Variants in RIT2 observed in about 807,000 individuals in gnomAD.
RIT2 encodes the protein GTP-binding protein Rit2.
In RIT2, 24 loss-of-function variants were observed where a neutral mutation model predicts 23.7. That is an observed-to-expected ratio of 1.01 (90% CI 0.73 to 1.43). RIT2 has a LOEUF of 1.43. Ranked by LOEUF, RIT2 falls within the 40% of genes most tolerant of loss-of-function variation. The pLI, the probability that RIT2 is intolerant of heterozygous loss-of-function variation, is 0.00. For missense variants in RIT2, 236 were observed against 266.9 expected (o/e 0.88, Z 0.81); for synonymous variants, 107 against 91.1 (o/e 1.17, Z -0.99).
At chr18:42,999,612 A>C (rs943383997) in intron 2 of RIT2, among the ~76,000 whole-genome samples, 1 of 152,064 alleles carries the variant, frequency 6.6e-6, no homozygotes, top group African/African-American at 2.4e-5. Context: ...GAAATGGCCC[A>C]GATAATTATA....
At chr18:42,949,170 T>C (rs1909792790) in intron 3 of RIT2, 1 of 394,402 alleles carries the variant, frequency 2.5e-6, no homozygotes, top group Non-Finnish European at 4.5e-6. Context: ...ACCACATATC[T>C]TCCTGCTCCA....
chr18:42,913,089 C>A (rs1402715819), intron 4 of RIT2, among the ~76,000 whole-genome samples: 1 of 151,490 alleles, frequency 6.6e-6, no homozygotes, highest in Non-Finnish European at 1.5e-5. Flanking sequence ...AGACATAACT[C>A]CACATGAATA....
At chr18:42,789,828 G>A (rs932120883) in intron 4 of RIT2, among the ~76,000 whole-genome samples, 6 of 152,086 alleles carry the variant, frequency 3.9e-5, no homozygotes, top group Non-Finnish European at 5.9e-5. Context: ...TATCTTGCCC[G>A]ATTGCTCTGG....
chr18:42,794,832 T>C (rs1914120182), intron 4 of RIT2, among the ~76,000 whole-genome samples: 1 of 152,204 alleles, frequency 6.6e-6, no homozygotes, highest in African/African-American at 2.4e-5. Context: ...TGCTAATTTT[T>C]CTTTTAGCCT....
chr18:42,794,450 G>C (rs951549694), intron 4 of RIT2, among the ~76,000 whole-genome samples: 2 of 152,174 alleles, frequency 1.3e-5, no homozygotes, highest in African/African-American at 4.8e-5. Context: ...TGACTAATTA[G>C]TGAATCAGTT....
At chr18:42,784,689 C>A (rs564078204) in intron 4 of RIT2, among the ~76,000 whole-genome samples, 14 of 152,160 alleles carry the variant, frequency 9.2e-5, no homozygotes, top group African/African-American at 2.9e-4. Flanking sequence ...TCTTAACTAG[C>A]CTTCCATATT....
chr18:42,922,160 CA>C (rs1157233605), intron 4 of RIT2, among the ~76,000 whole-genome samples: 1 of 152,080 alleles, frequency 6.6e-6, no homozygotes, highest in Non-Finnish European at 1.5e-5. Context: ...CACAAAAATG[CA>C]TTGCACTAAA....
chr18:42,862,974 T>C (rs1195661920), intron 4 of RIT2, among the ~76,000 whole-genome samples: 1 of 152,092 alleles, frequency 6.6e-6, no homozygotes, highest in Non-Finnish European at 1.5e-5. Flanking sequence ...GAATAATCTG[T>C]TGATACTTAG....
At chr18:43,079,307 T>C (rs532335509) in intron 1 of RIT2, among the ~76,000 whole-genome samples, 5 of 152,176 alleles carry the variant, frequency 3.3e-5, no homozygotes, top group Non-Finnish European at 7.3e-5. Flanking sequence ...TTTGGTTTTG[T>C]ACTAATAAGA....
intron 4 of RIT2, among the ~76,000 whole-genome samples, chr18:42,909,591 T>C (rs917475392): frequency 1.3e-5 from 2 of 151,722 alleles, no homozygotes; most frequent in Non-Finnish European, 2.9e-5. Context: ...ACAGTTCCAA[T>C]AAATCTCAGA....
At chr18:42,968,371 G>A (rs1255844193) in intron 3 of RIT2, among the ~76,000 whole-genome samples, 1 of 152,140 alleles carries the variant, frequency 6.6e-6, no homozygotes, top group Non-Finnish European at 1.5e-5. Flanking sequence ...AACTAGGAAT[G>A]TCCTGGGAAA....
At chr18:42,912,754 G>T (rs1908803761) in intron 4 of RIT2, among the ~76,000 whole-genome samples, 1 of 151,914 alleles carries the variant, frequency 6.6e-6, no homozygotes, top group East Asian at 1.9e-4. Flanking sequence ...ATTATAAAAT[G>T]TTGATGAAGA....
intron 1 of RIT2, among the ~76,000 whole-genome samples, chr18:43,094,407 T>C (rs888356619): frequency 1.3e-5 from 2 of 151,962 alleles, no homozygotes; most frequent in African/African-American, 4.8e-5. Context: ...CTATATATTT[T>C]CTTTTAGCTG....
intron 2 of RIT2, among the ~76,000 whole-genome samples, chr18:43,013,165 T>C (rs1911390040): frequency 6.6e-6 from 1 of 151,820 alleles, no homozygotes; most frequent in Non-Finnish European, 1.5e-5. Context: ...GGTTGCAACA[T>C]CACTGAACTG....
chr18:42,920,851 GTTTAAC>G, intron 4 of RIT2: 4 of 878,556 alleles, frequency 4.6e-6, no homozygotes, highest in South Asian at 4.1e-5. Context: ...ACCGTTGAGA[GTTTAAC>G]TTTATCACTC....
intron 4 of RIT2, among the ~76,000 whole-genome samples, chr18:42,799,520 T>G (rs549042413): frequency 1.3e-5 from 2 of 152,332 alleles, no homozygotes; most frequent in East Asian, 3.9e-4. Flanking sequence ...GTTAGTTACT[T>G]TTTTTCTCTC....
At position 43,115,457 on chromosome 18, in the gene RIT2, G is replaced by A. The variant is rs1338625060; in HGVS notation, c.63C>T (p.Tyr21=). Residue 21 remains tyrosine, a synonymous_variant, in exon 1 of 5, where the codon TAC becomes TAT. Transcript: ENST00000326695. ...PGSASGGSRE[Y]KVVMLGAGGV... ...CCCCTGCTCCCAGCATTACCACCTT[G>A]TACTCTCTGGACCCGCCTGATGCGC... The A allele has an allele frequency of 6.2e-7, 1 of 1,613,562 alleles. No individual in the cohort carries two copies. The highest frequency in any genetic ancestry group is 2.2e-5 in the East Asian group (1 of 44,820).
intron 3 of RIT2, among the ~76,000 whole-genome samples, chr18:42,928,219 A>C (rs1204883212): frequency 6.6e-6 from 1 of 152,048 alleles, no homozygotes; most frequent in African/African-American, 2.4e-5. Flanking sequence ...GGGCATATAT[A>C]TATATCTGAA....
intron 1 of RIT2, among the ~76,000 whole-genome samples, chr18:43,068,987 A>G (rs1912838211): frequency 6.6e-6 from 1 of 152,110 alleles, no homozygotes; most frequent in African/African-American, 2.4e-5. Flanking sequence ...AGTTATTCCT[A>G]GCCTCTAGAC....
Sources: gnomAD v4.1 joint callset for allele counts (sites outside exome capture counted in the v4.1 genomes callset) on GRCh38, gnomAD v4.1.1 for gene constraint, MANE v1.5 for transcripts, NCBI Gene and HGNC (gene_info 2026-07-23, HGNC 2026-07-21) for gene names.